Variants in LIPA observed in about 807,000 individuals in gnomAD.
The protein encoded by LIPA is lipase A, lysosomal acid type, also known as lysosomal acid lipase/cholesteryl ester hydrolase.
A neutral mutation model predicts 40.6 loss-of-function variants in LIPA; 26 were observed. The observed-to-expected ratio is 0.64, with a 90% CI of 0.47 to 0.89. LIPA has a LOEUF of 0.89. LIPA is among the 40% of genes least tolerant of loss of function. The probability of loss-of-function intolerance (pLI) is 0.00; values close to 1 mark genes in which losing one functional copy is unlikely to be tolerated. For synonymous variants in LIPA, 188 were observed against 168.4 expected (o/e 1.12, Z -0.90); for missense variants, 455 against 479.6 (o/e 0.95, Z 0.48).
chr10:89,359,398 A>G (rs1844007148), intron 2 of LIPA, among the ~76,000 whole-genome samples: 1 of 152,236 alleles, frequency 6.6e-6, no homozygotes, highest in African/African-American at 2.4e-5. Flanking sequence ...AGAGAGATTC[A>G]CTACTAAGAG....
At chr10:89,328,098 A>G (rs748673694) in intron 1 of LIPA, 3 of 1,612,930 alleles carry the variant, frequency 1.9e-6, no homozygotes, top group East Asian at 2.2e-5. Context: ...ATAAGAATGC[A>G]TAATCATGCT....
At chr10:89,405,074 T>C (rs1007162385) in intron 2 of LIPA, 1 of 152,224 alleles carries the variant, frequency 6.6e-6, no homozygotes, top group Non-Finnish European at 1.5e-5. Context: ...AGGCACATAT[T>C]CTTCCCAAAC....
intron 8 of LIPA, among the ~76,000 whole-genome samples, chr10:89,221,451 A>G (rs994349206): frequency 1.3e-5 from 2 of 152,240 alleles, no homozygotes; most frequent in Non-Finnish European, 2.9e-5. Flanking sequence ...GATGGTAGCC[A>G]ATCCAAGAAT....
chr10:89,385,921 A>G (rs141854038), intron 2 of LIPA, among the ~76,000 whole-genome samples: 21 of 152,370 alleles, frequency 1.4e-4, no homozygotes, highest in African/African-American at 5.0e-4. Flanking sequence ...AAACAAGTGT[A>G]TTTTGTGTTT....
chr10:89,263,138 C>T (rs1589582188), intron 1 of LIPA, among the ~76,000 whole-genome samples: 1 of 152,212 alleles, frequency 6.6e-6, no homozygotes, highest in Non-Finnish European at 1.5e-5. Flanking sequence ...TTCTCTTCCT[C>T]CTAATTGCCC....
At chr10:89,222,332 T>G (rs1842710175) in intron 8 of LIPA, among the ~76,000 whole-genome samples, 179 bp downstream of exon 8, 1 of 152,156 alleles carries the variant, frequency 6.6e-6, no homozygotes, top group Non-Finnish European at 1.5e-5. Context: ...TAACACAGTG[T>G]GCCCCACCAC....
intron 1 of LIPA, among the ~76,000 whole-genome samples, chr10:89,290,200 C>T (rs1217148814): frequency 6.6e-6 from 1 of 152,146 alleles, no homozygotes; most frequent in Admixed American, 6.6e-5. Context: ...ATTCTTAGTC[C>T]TTTATTATCT....
At chr10:89,263,500 T>G (rs1208293647) in intron 1 of LIPA, among the ~76,000 whole-genome samples, 1 of 152,094 alleles carries the variant, frequency 6.6e-6, no homozygotes, top group Non-Finnish European at 1.5e-5. Context: ...TGGTAAAAAC[T>G]CTCCTGTCCT....
intron 2 of LIPA, among the ~76,000 whole-genome samples, chr10:89,368,341 C>T (rs1454617119): frequency 1.3e-5 from 2 of 152,242 alleles, no homozygotes; most frequent in Non-Finnish European, 2.9e-5. Flanking sequence ...AAGCCTTTGG[C>T]TACATCACAT....
chr10:89,338,634 C>A, intron 1 of LIPA: 2 of 1,592,398 alleles, frequency 1.3e-6, no homozygotes, highest in Non-Finnish European at 1.7e-6. Context: ...GTGTACATCA[C>A]AGTGACCATG....
chr10:89,390,817 T>C (rs1026585942), intron 2 of LIPA, among the ~76,000 whole-genome samples: 2 of 152,244 alleles, frequency 1.3e-5, no homozygotes, highest in African/African-American at 4.8e-5. Context: ...GCATGCTATC[T>C]AGTGCATTGG....
At chr10:89,305,114 A>T (rs990717689) in intron 1 of LIPA, among the ~76,000 whole-genome samples, 7 of 152,294 alleles carry the variant, frequency 4.6e-5, no homozygotes, top group Middle Eastern at 3.4e-3. Flanking sequence ...GAGGAAAAAA[A>T]ATTACATTTT....
chr10:89,338,523 C>T, intron 1 of LIPA: 1 of 784,774 alleles, frequency 1.3e-6, no homozygotes, highest in Non-Finnish European at 2.0e-6. Flanking sequence ...AACAACCTCA[C>T]ATACATACCC....
At chr10:89,297,748 C>T (rs1485989283) in intron 1 of LIPA, among the ~76,000 whole-genome samples, 2 of 152,242 alleles carry the variant, frequency 1.3e-5, no homozygotes, top group African/African-American at 2.4e-5. Context: ...GTGAAGCAGG[C>T]TGTGTGCTTG....
chr10:89,247,112 T>G (rs1404828344), intron 2 of LIPA, among the ~76,000 whole-genome samples: 1 of 152,118 alleles, frequency 6.6e-6, no homozygotes, highest in African/African-American at 2.4e-5. Flanking sequence ...GGCTCACGCC[T>G]GTAATCCCAG....
chr10:89,392,822 A>G, intron 2 of LIPA: 1 of 1,190,560 alleles, frequency 8.4e-7, no homozygotes, highest in Non-Finnish European at 1.2e-6. Flanking sequence ...AGGTTTTCTA[A>G]TTCCTCGATT....
Position 89,243,619 on chromosome 10 carries a change from C to T in LIPA, c.229+2057G>A, listed in dbSNP as rs374654146. ...AAAAAAAAAAAGAAAAAACAAAGCA[C>T]ACAAGAAGTCAGGGGCAAACCCAGG... On this transcript the variant is annotated intron_variant, in intron 3 of 9. Coordinates refer to ENST00000336233, the MANE Select transcript of LIPA (RefSeq NM_000235.4). 4.2e-4 allele frequency among the ~76,000 whole-genome samples: 63 copies of T among 151,802 alleles called. No homozygotes were observed. In the South Asian group the frequency reaches 0.012, roughly 29 times the overall value.
intron 2 of LIPA, among the ~76,000 whole-genome samples, chr10:89,401,779 A>T (rs1439582426): frequency 1.1e-5 from 1 of 87,760 alleles, no homozygotes; most frequent in Non-Finnish European, 2.1e-5. Context: ...ATTTCCAAGT[A>T]AAAAAAAAAT....
intron 1 of LIPA, among the ~76,000 whole-genome samples, chr10:89,338,010 C>T (rs945909661): frequency 6.6e-6 from 1 of 152,182 alleles, no homozygotes; most frequent in African/African-American, 2.4e-5. Flanking sequence ...CTTTGCCCCA[C>T]TGTAGGCTAA....
Sources: gnomAD v4.1 joint callset for allele counts (sites outside exome capture counted in the v4.1 genomes callset) on GRCh38, gnomAD v4.1.1 for gene constraint, MANE v1.5 for transcripts, NCBI Gene and HGNC (gene_info 2026-07-23, HGNC 2026-07-21) for gene names.